The following CNTNAP5 variants were observed in gnomAD, a reference collection of about 807,000 sequenced individuals.
The protein encoded by CNTNAP5 is contactin-associated protein-like 5.
A neutral mutation model predicts 150.2 loss-of-function variants in CNTNAP5; 72 were observed. That is an observed-to-expected ratio of 0.48 (90% CI 0.40 to 0.58). The LOEUF (loss-of-function observed/expected upper bound fraction) is 0.58. Among genes scored for constraint, CNTNAP5 ranks in the 20% least tolerant of loss-of-function variants. The probability of loss-of-function intolerance (pLI) is 0.00; values close to 1 mark genes in which losing one functional copy is unlikely to be tolerated. For missense variants in CNTNAP5, 1,636 were observed against 1,626.2 expected, an observed-to-expected ratio of 1.01 and a Z score of -0.10; for synonymous variants, 672 against 619.8, an observed-to-expected ratio of 1.08 and a Z score of -1.25.
At chr2:124,619,604 C>A (rs1290018112) in intron 12 of CNTNAP5, among the ~76,000 whole-genome samples, 1 of 151,744 alleles carries the variant, frequency 6.6e-6, no homozygotes, top group Non-Finnish European at 1.5e-5. Context: ...GGACTTTGAG[C>A]AAAGCAGATT....
intron 1 of CNTNAP5, among the ~76,000 whole-genome samples, chr2:124,095,561 C>T (rs1301308513): frequency 6.6e-6 from 1 of 152,170 alleles, no homozygotes; most frequent in Non-Finnish European, 1.5e-5. Flanking sequence ...CTTTCCCTTT[C>T]CTGTGAGCTC....
chr2:124,265,900 T>C (rs1291437479), intron 3 of CNTNAP5, among the ~76,000 whole-genome samples: 1 of 151,992 alleles, frequency 6.6e-6, no homozygotes, highest in Non-Finnish European at 1.5e-5. Flanking sequence ...AGCGGATAAT[T>C]CAGTAGCCAC....
chr2:124,264,494 C>A (rs1039798452), intron 3 of CNTNAP5, among the ~76,000 whole-genome samples: 1 of 151,698 alleles, frequency 6.6e-6, no homozygotes, highest in African/African-American at 2.4e-5. Context: ...ACAGTTGATC[C>A]TTTTGAGGCA....
intron 17 of CNTNAP5, among the ~76,000 whole-genome samples, chr2:124,786,715 AGT>A (rs1681606773): frequency 6.6e-6 from 1 of 152,112 alleles, no homozygotes; most frequent in African/African-American, 2.4e-5. Context: ...GGAGGAGGAC[AGT>A]GAGAGAGGAG....
At chr2:124,749,993 A>T (rs977417624) in intron 14 of CNTNAP5, among the ~76,000 whole-genome samples, 1 of 152,100 alleles carries the variant, frequency 6.6e-6, no homozygotes, top group African/African-American at 2.4e-5. Context: ...TGACTTGCTC[A>T]ATGTTTCACT....
chr2:124,410,219 A>T (rs1298374358), intron 3 of CNTNAP5, among the ~76,000 whole-genome samples: 8 of 148,928 alleles, frequency 5.4e-5, no homozygotes, highest in African/African-American at 1.7e-4. Flanking sequence ...GAGCACCCAG[A>T]TTCATAAAGC....
rs565555051 is a variant in CNTNAP5 at position 124,359,443 on chromosome 2, G to C, written c.382-58000G>C. 5.9e-5 allele frequency among the ~76,000 whole-genome samples: 9 copies of C among 151,892 alleles called. No homozygotes were observed. The East Asian group carries it at 1.4e-3, about 23-fold the overall frequency. On this transcript the variant is annotated intron_variant, in intron 3 of 23. Transcript: ENST00000682447. ...TCCTGCTTTCTCTTGTGGGCATTTA[G>C]TGCTATAAATTTCCCTCTACACACG... is the stretch of plus-strand genomic sequence containing the variant.
At chr2:124,738,536 C>T (rs1299197259) in intron 13 of CNTNAP5, among the ~76,000 whole-genome samples, 1 of 151,986 alleles carries the variant, frequency 6.6e-6, no homozygotes, top group Non-Finnish European at 1.5e-5. Flanking sequence ...AGTTCAAGAC[C>T]AGGCTGGCCA....
At position 124,152,932 on chromosome 2, in the gene CNTNAP5, A is replaced by G. The variant is rs905824093; in HGVS notation, c.83-68773A>G. Among the ~76,000 whole-genome samples, 4 of 152,170 alleles carry G rather than the reference A, an allele frequency of 2.6e-5. No individual in the cohort carries two copies. The South Asian group carries it at 8.3e-4, about 32-fold the overall frequency. ...CATTCATCAATGTTGGTTTCTATAG[A>G]AACTACTGGTGCGGCTCCATACAGA... On this transcript the variant is annotated intron_variant, in intron 1 of 23. Transcript: ENST00000682447.
chr2:124,185,655 C>T (rs1035577107), intron 1 of CNTNAP5, among the ~76,000 whole-genome samples: 1 of 152,160 alleles, frequency 6.6e-6, no homozygotes, highest in African/African-American at 2.4e-5. Flanking sequence ...ACCAGCCACA[C>T]TAAAGAAGAG....
intron 18 of CNTNAP5, among the ~76,000 whole-genome samples, chr2:124,791,007 G>C (rs931369641): frequency 6.6e-6 from 1 of 152,188 alleles, no homozygotes; most frequent in Non-Finnish European, 1.5e-5. Flanking sequence ...AATATTTTAA[G>C]AGCAGCATTT....
chr2:124,880,213 T>C (rs908224491), intron 21 of CNTNAP5, among the ~76,000 whole-genome samples: 3 of 152,178 alleles, frequency 2.0e-5, no homozygotes, highest in African/African-American at 7.2e-5. Flanking sequence ...CTAAGAATGA[T>C]TTGACCTGAA....
intron 11 of CNTNAP5, among the ~76,000 whole-genome samples, chr2:124,591,094 C>T (rs946566306): frequency 6.6e-6 from 1 of 152,154 alleles, no homozygotes. Context: ...ATATGTCTAT[C>T]GTTGTCCTTT....
intron 3 of CNTNAP5, among the ~76,000 whole-genome samples, chr2:124,386,702 A>G (rs374766250): frequency 6.6e-6 from 1 of 151,738 alleles, no homozygotes; most frequent in Non-Finnish European, 1.5e-5. Flanking sequence ...CAGTGCCTTC[A>G]GTGTTCCTCT....
chr2:124,427,613 C>A (rs370013397), intron 4 of CNTNAP5, among the ~76,000 whole-genome samples: 1 of 151,734 alleles, frequency 6.6e-6, no homozygotes, highest in East Asian at 1.9e-4. Context: ...CCCACAAGGA[C>A]GCCCGGCTAA....
At chr2:124,743,024 G>A (rs757232760) in intron 13 of CNTNAP5, among the ~76,000 whole-genome samples, 1 of 152,124 alleles carries the variant, frequency 6.6e-6, no homozygotes, top group African/African-American at 2.4e-5. Flanking sequence ...GACCTCTACC[G>A]CGGAGAGATA....
intron 3 of CNTNAP5, among the ~76,000 whole-genome samples, chr2:124,320,936 T>C (rs1689082944): frequency 6.6e-6 from 1 of 152,112 alleles, no homozygotes; most frequent in Non-Finnish European, 1.5e-5. Context: ...GTAAAATGAA[T>C]AGCTGCTGGG....
At chr2:124,811,709 G>GA (rs911757052) in intron 19 of CNTNAP5, among the ~76,000 whole-genome samples, 1 of 137,072 alleles carries the variant, frequency 7.3e-6, no homozygotes, top group Non-Finnish European at 1.5e-5. Context: ...TAGGAGGCGG[G>GA]GGGGGTGGAT....
In CNTNAP5 at chr2:124,524,423, T is replaced by A. The variant is rs1694919636; in HGVS notation, c.1448T>A (p.Ile483Asn). The change falls in exon 9 of 24, where the codon ATT (isoleucine) becomes AAT (asparagine). Residue 483 changes from isoleucine (I) to asparagine (N), a missense_variant. Physicochemically the swap from Ile to Asn is moderately radical, Grantham distance 149. Coordinates refer to ENST00000682447, the MANE Select transcript of CNTNAP5 (RefSeq NM_001367498.1). ...GCTCCAGACAGCACTTGGGTGCAGATTTATTCTGGAAATAGCTACTATTTT... is the reference window on the plus strand; with the variant it reads ...GCTCCAGACAGCACTTGGGTGCAGAATTATTCTGGAAATAGCTACTATTTT... ...PPAPDSTWVQ[I>N]YSGNSYYFGG... The A allele has an allele frequency of 6.2e-7, 1 of 1,613,184 alleles. No individual in the cohort carries two copies. The highest frequency in any genetic ancestry group is 1.3e-5 in the African/African-American group (1 of 74,908).
Sources: allele counts gnomAD v4.1 joint callset (sites outside exome capture counted in the v4.1 genomes callset), GRCh38; gene constraint gnomAD v4.1.1; transcripts MANE v1.5; gene names NCBI Gene and HGNC (gene_info 2026-07-23, HGNC 2026-07-21).